Variants in CREBBP observed in about 807,000 individuals in gnomAD.
CREBBP encodes the protein CREB binding lysine acetyltransferase.
A neutral mutation model predicts 265.0 loss-of-function variants in CREBBP; 19 were observed. The observed-to-expected ratio is 0.07, with a 90% CI of 0.05 to 0.11. CREBBP has a LOEUF of 0.11. Among genes scored for constraint, CREBBP ranks in the 10% least tolerant of loss-of-function variants. The pLI, the probability that CREBBP is intolerant of heterozygous loss-of-function variation, is 1.00. For missense variants in CREBBP, 2,525 were observed against 3,219.0 expected (o/e 0.78, Z 5.22); for synonymous variants, 1,457 against 1,223.7 (o/e 1.19, Z -3.98).
intron 2 of CREBBP, among the ~76,000 whole-genome samples, chr16:3,847,090 G>A (rs1364165051): frequency 6.6e-6 from 1 of 152,164 alleles, no homozygotes. Flanking sequence ...CTCAGAGGAT[G>A]AGATCAATAA....
At chr16:3,734,351 G>T (rs1197501097) in intron 28 of CREBBP, among the ~76,000 whole-genome samples, 2 of 152,152 alleles carry the variant, frequency 1.3e-5, no homozygotes, top group Non-Finnish European at 2.9e-5. Context: ...ACAAGGGACA[G>T]CAGGTCTACA....
In CREBBP at chr16:3,810,691, T is replaced by C; in HGVS notation, c.887A>G (p.Gln296Arg). 5.0e-6 allele frequency: 8 copies of C among 1,613,990 alleles called. No homozygotes were observed. Among genetic ancestry groups the C allele is most frequent in the Non-Finnish European group, 6.8e-6 (8 of 1,180,024 alleles). The part of the protein sequence containing the change: ...QPMGATGVNP[Q>R]LASKQSMVNS... The stretch of plus-strand genomic sequence containing the variant: ...GACCATGCTCTGTTTGCTGGCTAAC[T>C]GGGGGTTCACTCCAGTGGCTCCCAT... The change falls in exon 3 of 31, where the codon CAG (glutamine) becomes CGG (arginine). Residue 296 changes from glutamine (Q) to arginine (R), a missense_variant. By Grantham distance (43) the Gln-to-Arg change is conservative. Coordinates refer to ENST00000262367, the MANE Select transcript of CREBBP (RefSeq NM_004380.3).
At chr16:3,764,737 C>T (rs949893465) in intron 16 of CREBBP, among the ~76,000 whole-genome samples, 1 of 151,788 alleles carries the variant, frequency 6.6e-6, no homozygotes, top group African/African-American at 2.4e-5. Flanking sequence ...GCATGCACCA[C>T]CACACTTGGC....
At chr16:3,783,668 CA>C (rs1271485529) in intron 5 of CREBBP, among the ~76,000 whole-genome samples, 7 of 152,288 alleles carry the variant, frequency 4.6e-5, no homozygotes, top group African/African-American at 1.7e-4. Flanking sequence ...TCTTATTATC[CA>C]GGGGCTACCT....
In CREBBP at chr16:3,727,181, T is replaced by G. The variant is rs920648124; in HGVS notation, c.*537A>C. Reference sequence around the variant, plus strand: ...GTGTGTGCACGCCGGAGTCAATTCCTATCATCCAGGGTAATACTGGGAGAC... The same window carrying G: ...GTGTGTGCACGCCGGAGTCAATTCCGATCATCCAGGGTAATACTGGGAGAC... On this transcript the variant is annotated 3_prime_UTR_variant, in exon 31 of 31. Transcript: ENST00000262367. The G allele has an allele frequency of 2.5e-5, 6 of 242,462 alleles. No homozygotes were observed. The highest frequency in any genetic ancestry group is 4.8e-5 in the Non-Finnish European group (6 of 123,836). The allele number at this position is 242,462 out of a possible 1,614,324, so 15.0% of individuals were successfully genotyped here.
chr16:3,820,393 TG>T (rs1183960157), intron 2 of CREBBP, among the ~76,000 whole-genome samples: 1 of 152,188 alleles, frequency 6.6e-6, no homozygotes, highest in Non-Finnish European at 1.5e-5. Context: ...GCAGGAGAGT[TG>T]GGCTAAAGCA....
chr16:3,737,396 C>G (rs532168328), intron 26 of CREBBP, among the ~76,000 whole-genome samples: 7 of 151,862 alleles, frequency 4.6e-5, no homozygotes, highest in Admixed American at 4.6e-4. Context: ...GATTAGTGGT[C>G]GCCTGGGGCA....
intron 23 of CREBBP, 64 bp from the exon 24 acceptor site, chr16:3,740,613 CT>C: frequency 1.3e-6 from 2 of 1,583,006 alleles, no homozygotes; most frequent in Non-Finnish European, 1.7e-6. Context: ...GTGACTGAGA[CT>C]AGAGAATCCA....
Position 3,852,157 on chromosome 16 carries a change from G to GTTT in CREBBP, c.86-1151_86-1149dup, listed in dbSNP as rs910861282. Among the ~76,000 whole-genome samples, 142 of 50,910 alleles carry GTTT rather than the reference G, an allele frequency of 2.8e-3. 20 individuals are homozygous for GTTT. Among genetic ancestry groups the GTTT allele is most frequent in the South Asian group, 5.5e-3 (8 of 1,456 alleles). The allele number at this position is 50,910 out of a possible 152,430, so 33.4% of individuals were successfully genotyped here. Reference sequence around the variant, plus strand: ...GGACAGTAAAGCCAATCTTAAATTTGTTTTTTTTTTTTTTTTTTTTTTTTT... The same window carrying GTTT: ...GGACAGTAAAGCCAATCTTAAATTTGTTTTTTTTTTTTTTTTTTTTTTTTTTTT... On this transcript the variant is annotated intron_variant, in intron 1 of 30. Coordinates refer to ENST00000262367, the MANE Select transcript of CREBBP (RefSeq NM_004380.3).
intron 1 of CREBBP, 100 bp from the exon 2 acceptor site, chr16:3,851,109 G>A (rs1289988442): frequency 1.7e-5 from 16 of 960,662 alleles, no homozygotes; most frequent in South Asian, 5.4e-5. Flanking sequence ...CATTCAGCAC[G>A]AACACTAGCA....
At chr16:3,785,540 G>A (rs939219726) in intron 5 of CREBBP, among the ~76,000 whole-genome samples, 1 of 152,172 alleles carries the variant, frequency 6.6e-6, no homozygotes, top group African/African-American at 2.4e-5. Flanking sequence ...CTGCCACATG[G>A]GCCACGTAAC....
intron 6 of CREBBP, 144 bp downstream of exon 6, chr16:3,782,540 T>C: frequency 9.1e-7 from 1 of 1,093,132 alleles, no homozygotes; most frequent in South Asian, 1.6e-5. Flanking sequence ...ATCAGATACT[T>C]CAGCTTTTTC....
Position 3,850,951 on chromosome 16 carries a change from T to C in CREBBP, c.144A>G (p.Gly48=), listed in dbSNP as rs2054822083. 1.2e-6 allele frequency: 2 copies of C among 1,614,042 alleles called. No homozygotes were observed. The highest frequency in any genetic ancestry group is 1.7e-6 in the Non-Finnish European group (2 of 1,180,034). ...NDLPDELIPN[G]GELGLLNSGN... ...CACTGTTTAAAAGGCCTAATTCTCCTCCATTGGGTATCAGCTCATCAGGAA... is the reference window on the plus strand; with the variant it reads ...CACTGTTTAAAAGGCCTAATTCTCCCCCATTGGGTATCAGCTCATCAGGAA... Residue 48 remains glycine (G), a synonymous_variant, in exon 2 of 31, where the codon GGA becomes GGG. Transcript: ENST00000262367.
At chr16:3,773,153 T>C (rs1406285229) in intron 13 of CREBBP, among the ~76,000 whole-genome samples, 2 of 151,988 alleles carry the variant, frequency 1.3e-5, no homozygotes, top group African/African-American at 4.8e-5. Flanking sequence ...ATTTGGTGTG[T>C]TTTAAATACA....
Position 3,728,438 on chromosome 16 carries a change from TTGC to T in CREBBP, c.6606_6608del (p.Gln2216del), listed in dbSNP as rs746121736. Reference sequence around the variant, plus strand: ...GTTGCTGCTGTTGTTGCTGCTGCTGTTGCTGCTGCTGCTGCAGCAGCTGCCTCC... The same window carrying T: ...GTTGCTGCTGTTGTTGCTGCTGCTGTTGCTGCTGCTGCAGCAGCTGCCTCC... On this transcript the variant is annotated inframe_deletion, in exon 31 of 31. Coordinates refer to ENST00000262367, the MANE Select transcript of CREBBP (RefSeq NM_004380.3). The surrounding 1 kb of genome is among the most constrained non-coding windows in gnomAD (Gnocchi z 8.7). 1.2e-6 allele frequency: 2 copies of T among 1,612,620 alleles called. No homozygotes were observed.
chr16:3,763,757 C>T (rs2052779237), intron 16 of CREBBP, among the ~76,000 whole-genome samples: 1 of 152,208 alleles, frequency 6.6e-6, no homozygotes, highest in South Asian at 2.1e-4. Context: ...AGCCACTGCG[C>T]CCGGCCTGAA....
At position 3,770,772 on chromosome 16, in the gene CREBBP, G is replaced by C. The variant is rs142047649; in HGVS notation, c.2678C>G (p.Ser893Trp). 1 of 1,613,960 alleles carries C rather than the reference G, an allele frequency of 6.2e-7. No homozygotes were observed. Among genetic ancestry groups the C allele is most frequent in the African/African-American group, 1.3e-5 (1 of 74,894 alleles). ...AAPTQPSTPVSSSGQTPTPTP... is the reference protein window; with the variant it reads ...AAPTQPSTPVWSSGQTPTPTP... ...CGGGGTGGGAGTCTGCCCGGAAGACGACACAGGAGTTGATGGCTGAGTGGG... is the reference window on the plus strand; with the variant it reads ...CGGGGTGGGAGTCTGCCCGGAAGACCACACAGGAGTTGATGGCTGAGTGGG... The change falls in exon 14 of 31, where the codon TCG becomes TGG. Residue 893 changes from serine to tryptophan, a missense_variant. Ser to Trp is a radical substitution (Grantham distance 177). Around this residue, in one of 19 missense-constraint regions of CREBBP, gnomAD observed 548 missense variants for 533.0 expected, o/e 1.03. Coordinates refer to ENST00000262367, the MANE Select transcript of CREBBP (RefSeq NM_004380.3).
At chr16:3,858,401 A>C (rs2055006248) in intron 1 of CREBBP, among the ~76,000 whole-genome samples, 1 of 152,158 alleles carries the variant, frequency 6.6e-6, no homozygotes, top group African/African-American at 2.4e-5. Flanking sequence ...TACTGACAGG[A>C]CTGGTCTATC....
At chr16:3,753,842 A>G (rs1456238582) in intron 19 of CREBBP, among the ~76,000 whole-genome samples, 1 of 152,212 alleles carries the variant, frequency 6.6e-6, no homozygotes, top group Non-Finnish European at 1.5e-5. Flanking sequence ...GCCAACTAGA[A>G]GGGACCGTTC....
Sources: gnomAD v4.1 joint callset for allele counts (sites outside exome capture counted in the v4.1 genomes callset) on GRCh38, gnomAD v4.1.1 for gene constraint, gnomAD v4.1.1 regional missense constraint, Gnocchi (gnomAD v3.1) non-coding constraint, MANE v1.5 for transcripts, NCBI Gene and HGNC (gene_info 2026-07-23, HGNC 2026-07-21) for gene names.